Variants in H2BK1 observed in about 807,000 individuals in gnomAD.
H2BK1 encodes the protein H2B.K variant histone 1, also known as histone H2B type 2-K1.
At chr7:151,207,972 C>T in the H2BK1 span, 2 of 1,451,786 alleles carry the variant, frequency 1.4e-6, no homozygotes, top group East Asian at 4.5e-5. Flanking sequence ...GTCTGGACTT[C>T]TCGGGATGTC....
chr7:151,210,324 T>C, the H2BK1 span: 40 of 387,626 alleles, frequency 1.0e-4, no homozygotes, highest in African/African-American at 5.8e-4. Flanking sequence ...CTCATCCTCC[T>C]GCTTCTCGAA....
chr7:151,210,054 CAA>C, the H2BK1 span: 3 of 395,976 alleles, frequency 7.6e-6, no homozygotes, highest in East Asian at 1.1e-4. Context: ...CCCGCCACCT[CAA>C]GAGGGGCCAG....
the H2BK1 span, chr7:151,207,848 C>G: frequency 1.2e-6 from 1 of 836,638 alleles, no homozygotes. Context: ...ACAGTTCACC[C>G]TTTATTTTTG....
At chr7:151,207,962 G>A in the H2BK1 span, 198 of 1,393,684 alleles carry the variant, frequency 1.4e-4, no homozygotes, top group Non-Finnish European at 1.9e-4. Context: ...ACGCACAGCC[G>A]TCTGGACTTC....
the H2BK1 span, among the ~76,000 whole-genome samples, chr7:151,209,625 T>C: frequency 3.9e-5 from 6 of 152,228 alleles, no homozygotes; most frequent in East Asian, 1.2e-3. Context: ...ACAGGAAGGA[T>C]GCTAGGGGCT....
chr7:151,208,067 A>C, the H2BK1 span: 2 of 1,614,082 alleles, frequency 1.2e-6, no homozygotes, highest in Non-Finnish European at 1.7e-6. Flanking sequence ...CGAGTTCATG[A>C]TGCTCATGGC....
the H2BK1 span, chr7:151,208,092 C>T: frequency 3.0e-5 from 49 of 1,612,676 alleles, no homozygotes; most frequent in Non-Finnish European, 1.7e-5. Flanking sequence ...GCAGAGATGC[C>T]AATGTCAGGG....
chr7:151,208,562 T>C, the H2BK1 span, among the ~76,000 whole-genome samples: 5 of 152,240 alleles, frequency 3.3e-5, no homozygotes, highest in Admixed American at 2.0e-4. Flanking sequence ...GGTGCTATGG[T>C]AAATGCCCAT....
the H2BK1 span, chr7:151,210,422 G>A: frequency 1.1e-4 from 42 of 377,166 alleles, 7 homozygotes; most frequent in Non-Finnish European, 1.5e-4. Context: ...GGGAGGGGGG[G>A]GGGGGGCAGG....
chr7:151,210,369 T>G, the H2BK1 span: 1 of 300,744 alleles, frequency 3.3e-6, no homozygotes, highest in Non-Finnish European at 6.1e-6. Context: ...CTACTTTTTA[T>G]CAAGTCAGCT....
chr7:151,209,133 C>G, the H2BK1 span, among the ~76,000 whole-genome samples: 11 of 152,112 alleles, frequency 7.2e-5, no homozygotes, highest in African/African-American at 2.7e-4. Flanking sequence ...GCACTCTCCT[C>G]TGTGAGTACA....
chr7:151,208,119 G>C, the H2BK1 span: 1 of 1,613,368 alleles, frequency 6.2e-7, no homozygotes, highest in Non-Finnish European at 8.5e-7. Context: ...TGGAGAGAGG[G>C]CAGCACCACT....
At chr7:151,209,577 G>C in the H2BK1 span, among the ~76,000 whole-genome samples, 1 of 152,174 alleles carries the variant, frequency 6.6e-6, no homozygotes, top group Non-Finnish European at 1.5e-5. Context: ...CATGAATATA[G>C]GGCACCTGCA....
chr7:151,209,821 C>G, the H2BK1 span, among the ~76,000 whole-genome samples: 3 of 152,216 alleles, frequency 2.0e-5, no homozygotes, highest in Non-Finnish European at 4.4e-5. Context: ...GATCACTCCT[C>G]TTCTCGGTCA....
At chr7:151,209,261 T>G in the H2BK1 span, among the ~76,000 whole-genome samples, 1 of 152,082 alleles carries the variant, frequency 6.6e-6, no homozygotes, top group East Asian at 1.9e-4. Context: ...TGTCCTCTGG[T>G]GCATCTCTTC....
At chr7:151,209,129 T>C in the H2BK1 span, among the ~76,000 whole-genome samples, 1 of 152,014 alleles carries the variant, frequency 6.6e-6, no homozygotes, top group Non-Finnish European at 1.5e-5. Context: ...AGCAGCACTC[T>C]CCTCTGTGAG....
chr7:151,208,163 C>A, the H2BK1 span: 5 of 1,557,398 alleles, frequency 3.2e-6, no homozygotes, highest in Admixed American at 1.7e-5. Flanking sequence ...AGGGGGGGTC[C>A]TGCCTACACT....
the H2BK1 span, chr7:151,208,242 C>T: frequency 1.3e-6 from 1 of 770,478 alleles, no homozygotes; most frequent in Non-Finnish European, 2.2e-6. Context: ...TCCTCACCAG[C>T]CCCTTCCCAG....
the H2BK1 span, chr7:151,208,110 GGA>G: frequency 1.9e-6 from 3 of 1,614,110 alleles, no homozygotes. Context: ...GGGTGCACCT[GGA>G]GAGAGGGCAG....
Sources: allele counts gnomAD v4.1 joint callset (sites outside exome capture counted in the v4.1 genomes callset), GRCh38; gene constraint gnomAD v4.1.1; transcripts MANE v1.5; gene names NCBI Gene and HGNC (gene_info 2026-07-23, HGNC 2026-07-21).